Variants in ZNF397 observed in about 807,000 individuals in gnomAD.
ZNF397 encodes zinc finger and SCAN domain-containing protein 15.
A neutral mutation model predicts 50.6 loss-of-function variants in ZNF397; 38 were observed. That is an observed-to-expected ratio of 0.75 (90% CI 0.58 to 0.98). The LOEUF is 0.98. Ranked by LOEUF, ZNF397 falls within the 50% of genes least tolerant of loss-of-function variation. The pLI is 0.00. For missense variants in ZNF397, 624 were observed against 624.1 expected (o/e 1.00, Z 0.00); for synonymous variants, 228 against 215.2 (o/e 1.06, Z -0.52).
intron 5 of ZNF397, among the ~76,000 whole-genome samples, chr18:35,255,192 C>T (rs971413725): frequency 1.1e-4 from 16 of 151,150 alleles, no homozygotes; most frequent in Admixed American, 1.1e-3. Context: ...TCTCACAAAA[C>T]ATGCCCCATC....
In ZNF397 at chr18:35,245,855, C is replaced by G. The variant is rs1172891206; in HGVS notation, c.1150C>G (p.Leu384Val). The change falls in exon 4 of 4, where the codon CTC (leucine) becomes GTC (valine). Residue 384 changes from leucine (L) to valine (V), a missense_variant. Leu to Val is a conservative substitution (Grantham distance 32). Coordinates refer to ENST00000330501, the MANE Select transcript of ZNF397 (RefSeq NM_001135178.3). ...CGKAFSQSSY[L>V]IIHQRIHTGE... The stretch of plus-strand genomic sequence containing the variant: ...CAAAGCATTCAGTCAAAGTTCATAT[C>G]TCATTATACATCAAAGAATTCACAC... 1.3e-5 allele frequency: 20 copies of G among 1,553,618 alleles called. 1 individual carries two copies. Among genetic ancestry groups the G allele is most frequent in the Non-Finnish European group, 1.7e-5 (19 of 1,148,098 alleles).
chr18:35,256,607 C>T (rs1361395564), intron 5 of ZNF397, among the ~76,000 whole-genome samples: 1 of 151,942 alleles, frequency 6.6e-6, no homozygotes, highest in African/African-American at 2.4e-5. Flanking sequence ...GAAATACTTG[C>T]ATAGAGAGAA....
Position 35,249,498 on chromosome 18 carries a change from A to G in ZNF397, c.*3188A>G, listed in dbSNP as rs2143621088. 1 of 152,100 alleles carries G rather than the reference A, an allele frequency of 6.6e-6. No homozygotes were observed. The highest frequency in any genetic ancestry group is 1.9e-4 in the East Asian group (1 of 5,176). The allele number at this position is 152,100 out of a possible 1,614,324, so 9.4% of individuals were successfully genotyped here. A position where few individuals can be genotyped will look rare whatever the true frequency, so the allele number is the denominator to read the frequency against. On this transcript the variant is annotated 3_prime_UTR_variant, in exon 4 of 4. Coordinates refer to ENST00000330501, the MANE Select transcript of ZNF397 (RefSeq NM_001135178.3). ...GAAACCCCGTCTCTACTAAAAATAC[A>G]AAACAATTAGCTGGTGTGGTGGCAT...
chr18:35,242,194 G>A (rs528735149), intron 1 of ZNF397, among the ~76,000 whole-genome samples, 197 bp from the exon 2 acceptor site: 1 of 152,316 alleles, frequency 6.6e-6, no homozygotes, highest in Non-Finnish European at 1.5e-5. Context: ...TCTAACATTA[G>A]TGGTAGGAAT....
At chr18:35,244,286 C>G (rs546301149) in intron 3 of ZNF397, among the ~76,000 whole-genome samples, 18 of 152,336 alleles carry the variant, frequency 1.2e-4, no homozygotes, top group African/African-American at 4.3e-4. Flanking sequence ...AATGGTAGTA[C>G]TGTTCATGTG....
At chr18:35,255,286 C>A (rs16966625) in intron 5 of ZNF397, among the ~76,000 whole-genome samples, 4,018 of 151,372 alleles carry the variant, frequency 0.027, 127 homozygotes, top group African/African-American at 0.068. Context: ...AGAGATGGGG[C>A]ATATTATGTC....
At chr18:35,252,783 A>C (rs1045168834), downstream of ZNF397, 2 of 152,234 alleles carry the variant, frequency 1.3e-5, no homozygotes, top group Non-Finnish European at 2.9e-5. Flanking sequence ...ATTAGCCCTT[A>C]ACTCTGGGAG....
At chr18:35,258,745 C>CTGTA (rs1421844854), downstream of ZNF397, 13 of 152,050 alleles carry the variant, frequency 8.5e-5, no homozygotes, top group Admixed American at 7.9e-4. Context: ...TGGCGGGTGC[C>CTGTA]TGTAGTCCCA....
chr18:35,255,002 C>T (rs1008127536), intron 5 of ZNF397: 8 of 153,902 alleles, frequency 5.2e-5, no homozygotes, highest in Non-Finnish European at 7.3e-5. Flanking sequence ...ATTCTCAGGT[C>T]AGGTGGGAAT....
downstream of ZNF397, chr18:35,252,312 G>C (rs1431793513): frequency 6.6e-6 from 1 of 152,214 alleles, no homozygotes; most frequent in Non-Finnish European, 1.5e-5. Context: ...TAGAGAGACA[G>C]TGGGGACTGG....
At chr18:35,245,155 G>A (rs1022255281) in intron 3 of ZNF397, 107 bp from the exon 4 acceptor site, 60 of 1,387,260 alleles carry the variant, frequency 4.3e-5, no homozygotes, top group Non-Finnish European at 5.7e-5. Context: ...GATACTGGAG[G>A]ACAGTGACAT....
downstream of ZNF397, chr18:35,254,423 A>C (rs774783602): frequency 6.2e-7 from 1 of 1,613,386 alleles, no homozygotes. Context: ...TTTACTTCCC[A>C]TGACAGAAGA....
At chr18:35,257,913 C>G in intron 5 of ZNF397, 2 of 781,078 alleles carry the variant, frequency 2.6e-6, no homozygotes, top group Admixed American at 1.7e-5. Flanking sequence ...TCCTGCTTCT[C>G]TCTCTCCATT....
Position 35,245,993 on chromosome 18 carries a change from T to C in ZNF397, c.1288T>C (p.Cys430Arg). ...TGERPYECNE[C>R]GKAFRQSSEL... ...AGAGAGACCCTATGAATGTAATGAA[T>C]GTGGAAAAGCTTTCAGGCAGAGCTC... Residue 430 changes from cysteine to arginine, a missense_variant, in exon 4 of 4, where the codon TGT becomes CGT. By Grantham distance (180) the Cys-to-Arg change is radical. Coordinates refer to ENST00000330501, the MANE Select transcript of ZNF397 (RefSeq NM_001135178.3). 6.3e-7 allele frequency: 1 copy of C among 1,579,898 alleles called. No individual in the cohort carries two copies. Among genetic ancestry groups the C allele is most frequent in the East Asian group, 2.3e-5 (1 of 42,970 alleles).
Position 35,242,491 on chromosome 18 carries a change from G to T in ZNF397, c.21G>T (p.Val7=). MAVESG[V]ISTLIPQDPP... ...CAAGAATGGCTGTGGAATCTGGAGT[G>T]ATTTCAACCCTGATACCTCAGGATC... The change falls in exon 2 of 4, where the codon GTG becomes GTT. Residue 7 remains valine, a synonymous_variant. Coordinates refer to ENST00000330501, the MANE Select transcript of ZNF397 (RefSeq NM_001135178.3). 6.2e-7 allele frequency: 1 copy of T among 1,613,298 alleles called. No homozygotes were observed. Among genetic ancestry groups the T allele is most frequent in the Non-Finnish European group, 8.5e-7 (1 of 1,179,452 alleles).
chr18:35,244,959 C>T (rs561140260), intron 3 of ZNF397, among the ~76,000 whole-genome samples: 22 of 152,042 alleles, frequency 1.4e-4, no homozygotes, highest in African/African-American at 4.8e-4. Flanking sequence ...GTGAGAGACA[C>T]TTAAGCTTAT....
At chr18:35,245,151 G>A in intron 3 of ZNF397, 111 bp from the exon 4 acceptor site, 2 of 1,372,278 alleles carry the variant, frequency 1.5e-6, no homozygotes, top group African/African-American at 2.9e-5. Context: ...AAAAGATACT[G>A]GAGGACAGTG....
chr18:35,249,468 A>G lies in ZNF397; in HGVS notation c.*3158A>G, dbSNP rs906361451. ...GGAGTTCGAGACCAGCCTGACCAAT[A>G]TGGTGAAACCCCGTCTCTACTAAAA... On this transcript the variant is annotated 3_prime_UTR_variant, in exon 4 of 4. Coordinates refer to ENST00000330501, the MANE Select transcript of ZNF397 (RefSeq NM_001135178.3). 1 of 152,084 alleles carries G rather than the reference A, an allele frequency of 6.6e-6. No individual in the cohort carries two copies. Among genetic ancestry groups the G allele is most frequent in the Non-Finnish European group, 1.5e-5 (1 of 68,028 alleles). 9.4% of individuals were successfully genotyped at this position (152,084 alleles called of 1,614,324 possible). A position where few individuals can be genotyped will look rare whatever the true frequency, so the allele number is the denominator to read the frequency against.
chr18:35,254,134 G>T (rs1383339672), downstream of ZNF397: 1 of 1,614,140 alleles, frequency 6.2e-7, no homozygotes, highest in Admixed American at 1.7e-5. Context: ...TGTGTTCTGT[G>T]GGGATTCTTC....
Sources: gnomAD v4.1 joint callset for allele counts (sites outside exome capture counted in the v4.1 genomes callset) on GRCh38, gnomAD v4.1.1 for gene constraint, MANE v1.5 for transcripts, NCBI Gene and HGNC (gene_info 2026-07-23, HGNC 2026-07-21) for gene names.